ZP2: variants seen among roughly 807,000 people sequenced by gnomAD.
The protein encoded by ZP2 is zona pellucida sperm-binding protein 2.
Under a neutral mutation model 84.0 loss-of-function variants are expected in ZP2, and 51 were observed. That is an observed-to-expected ratio of 0.61 (90% CI 0.49 to 0.77). The LOEUF (loss-of-function observed/expected upper bound fraction) is 0.77, where lower values mean the gene tolerates loss of function less well. Among genes scored for constraint, ZP2 ranks in the 30% least tolerant of loss-of-function variants. The pLI is 0.00. For synonymous variants in ZP2, 375 were observed against 330.9 expected, an observed-to-expected ratio of 1.13 and a Z score of -1.45; for missense variants, 909 against 911.9, an observed-to-expected ratio of 1.00 and a Z score of 0.04.
At chr16:21,205,970 G>T in intron 5 of ZP2, 195 bp from the exon 6 acceptor site, 1 of 608,652 alleles carries the variant, frequency 1.6e-6, no homozygotes, top group Non-Finnish European at 2.9e-6. Context: ...GCAGCTGGAA[G>T]ATCTAAGCTC....
upstream of ZP2, chr16:21,211,753 G>A (rs568707093): frequency 5.6e-4 from 822 of 1,470,982 alleles, 1 homozygote; most frequent in Non-Finnish European, 7.1e-4. Context: ...TGCCCTGTGG[G>A]CCAGGCATGA....
chr16:21,200,260 A>G lies in ZP2; in HGVS notation c.1695-382T>C. ...TAAGACCAGCCTGGCCAACATGGTGAAACCCCGTTTCTACTAAAGATATAA... is the reference window on the plus strand; with the variant it reads ...TAAGACCAGCCTGGCCAACATGGTGGAACCCCGTTTCTACTAAAGATATAA... On this transcript the variant is annotated intron_variant, in intron 14 of 18. Coordinates refer to ENST00000574091, the MANE Select transcript of ZP2 (RefSeq NM_001376232.1). 1.3e-5 allele frequency among the ~76,000 whole-genome samples: 2 copies of G among 152,172 alleles called. 1 individual carries two copies. The highest frequency in any genetic ancestry group is 2.9e-5 in the Non-Finnish European group (2 of 68,030).
chr16:21,208,001 C>T (rs1051862405), intron 4 of ZP2, among the ~76,000 whole-genome samples: 2 of 152,198 alleles, frequency 1.3e-5, no homozygotes, highest in Admixed American at 1.3e-4. Context: ...GGGAGGATCC[C>T]TTGAGGCCAG....
upstream of ZP2, chr16:21,211,749 G>A (rs967226993): frequency 3.4e-6 from 5 of 1,477,156 alleles, no homozygotes; most frequent in African/African-American, 7.0e-5. Flanking sequence ...CAGCTGCCCT[G>A]TGGGCCAGGC....
chr16:21,203,117 G>T lies in ZP2; in HGVS notation c.1099+8C>A. On this transcript the variant is annotated splice_region_variant and intron_variant, in intron 10 of 18. Coordinates refer to ENST00000574091, the MANE Select transcript of ZP2 (RefSeq NM_001376232.1). ...AGGTAGAACATGATTTTAATAAAAG[G>T]TCTTTACCTATAGAAACGGGTGACT... 1 of 1,612,636 alleles carries T rather than the reference G, an allele frequency of 6.2e-7. No homozygotes were observed. Among genetic ancestry groups the T allele is most frequent in the Non-Finnish European group, 8.5e-7 (1 of 1,179,388 alleles).
intron 17 of ZP2, 30 bp from the exon 18 acceptor site, chr16:21,197,879 A>T (rs2093206880): frequency 6.2e-7 from 1 of 1,607,114 alleles, no homozygotes; most frequent in Non-Finnish European, 8.5e-7. Context: ...TTAGTACAAC[A>T]TCTTCATGCT....
chr16:21,211,145 A>G (rs1445495765), intron 2 of ZP2, among the ~76,000 whole-genome samples, 162 bp downstream of exon 2: 3 of 152,118 alleles, frequency 2.0e-5, no homozygotes, highest in African/African-American at 7.2e-5. Flanking sequence ...AGGTATAGTG[A>G]GTCTACAGGT....
chr16:21,198,135 C>A (rs977633218), intron 17 of ZP2, among the ~76,000 whole-genome samples: 12 of 149,508 alleles, frequency 8.0e-5, no homozygotes, highest in Non-Finnish European at 1.8e-4. Flanking sequence ...TGGCTCACAC[C>A]TGTAATCCCA....
chr16:21,214,207 A>G (rs893486409), upstream of ZP2: 1 of 983,814 alleles, frequency 1.0e-6, no homozygotes, highest in Non-Finnish European at 1.2e-6. Context: ...TGCACCAGAG[A>G]TTAATTTTGT....
At chr16:21,197,950 C>A in intron 17 of ZP2, 101 bp from the exon 18 acceptor site, 1 of 1,150,396 alleles carries the variant, frequency 8.7e-7, no homozygotes, top group Non-Finnish European at 1.3e-6. Context: ...TTAAGGCTAT[C>A]TCAGGTAAGG....
At chr16:21,207,559 A>C (rs1348513657) in intron 4 of ZP2, among the ~76,000 whole-genome samples, 1 of 151,800 alleles carries the variant, frequency 6.6e-6, no homozygotes, top group Non-Finnish European at 1.5e-5. Flanking sequence ...GCTGAGGCAG[A>C]CTGACTGCTT....
intron 4 of ZP2, among the ~76,000 whole-genome samples, chr16:21,209,341 G>A (rs1024859199): frequency 1.3e-5 from 2 of 152,104 alleles, no homozygotes; most frequent in African/African-American, 2.4e-5. Flanking sequence ...CTAGTTTTTT[G>A]TATTTTTAGT....
chr16:21,211,242 G>T, intron 2 of ZP2, 65 bp downstream of exon 2: 4 of 1,451,896 alleles, frequency 2.8e-6, no homozygotes, highest in Non-Finnish European at 3.9e-6. Flanking sequence ...TTCTTGGCCA[G>T]CTAGGCCTTC....
At chr16:21,214,037 G>A (rs2093283619), upstream of ZP2, among the ~76,000 whole-genome samples, 1 of 151,908 alleles carries the variant, frequency 6.6e-6, no homozygotes, top group Non-Finnish European at 1.5e-5. Context: ...CTCCCCTCGA[G>A]ATGGTGTCTT....
At chr16:21,203,936 T>C in intron 9 of ZP2, 94 bp downstream of exon 9, 3 of 1,398,988 alleles carry the variant, frequency 2.1e-6, no homozygotes, top group Admixed American at 3.4e-5. Flanking sequence ...CAATTAGAGC[T>C]CACGGGCAAG....
chr16:21,207,635 A>AACACAC lies in ZP2; in HGVS notation c.331-651_331-646dup, dbSNP rs10530241. Among the ~76,000 whole-genome samples, 392 of 143,862 alleles carry AACACAC rather than the reference A, an allele frequency of 2.7e-3. 1 individual carries two copies. The highest frequency in any genetic ancestry group is 4.1e-3 in the Non-Finnish European group (269 of 66,218). The allele number at this position is 143,862 out of a possible 152,430, so 94.4% of individuals were successfully genotyped here. The stretch of plus-strand genomic sequence containing the variant: ...AGACTCCATCTCTATATATATATTA[A>AACACAC]ACACACACACACACACACACACACA... On this transcript the variant is annotated intron_variant, in intron 4 of 18. Coordinates refer to ENST00000574091, the MANE Select transcript of ZP2 (RefSeq NM_001376232.1).
Position 21,201,532 on chromosome 16 carries a change from C to T in ZP2, c.1531G>A (p.Glu511Lys). The T allele has an allele frequency of 6.2e-7, 1 of 1,610,404 alleles. No homozygotes were observed. Residue 511 changes from glutamate (E) to lysine (K), a missense_variant, in exon 14 of 19, where the codon GAA becomes AAA. By Grantham distance (56) the Glu-to-Lys change is moderately conservative (BLOSUM62 1). Transcript: ENST00000574091. ...AATCTCACTAGAGGGTACTCGTTTT[C>T]CCCATAAGGTTGTTGGTAGGAATTA... ...PDNSYQQPYGENEYPLVRFLR... is the reference protein window; with the variant it reads ...PDNSYQQPYGKNEYPLVRFLR...
upstream of ZP2, chr16:21,211,690 G>C: frequency 1.9e-6 from 3 of 1,549,094 alleles, no homozygotes; most frequent in Non-Finnish European, 2.6e-6. Context: ...GGAAGGATTG[G>C]GGAAGGAAGT....
chr16:21,209,986 G>T (rs2093267096), intron 3 of ZP2, 123 bp downstream of exon 3: 1 of 868,334 alleles, frequency 1.2e-6, no homozygotes, highest in Non-Finnish European at 1.9e-6. Context: ...TATCCCCATG[G>T]CATCATGGGA....
Sources: gnomAD v4.1 joint callset for allele counts (sites outside exome capture counted in the v4.1 genomes callset) on GRCh38, gnomAD v4.1.1 for gene constraint, MANE v1.5 for transcripts, NCBI Gene and HGNC (gene_info 2026-07-23, HGNC 2026-07-21) for gene names.